The following RNLS variants were observed in gnomAD, a reference collection of about 807,000 sequenced individuals.
RNLS encodes the protein renalase, FAD dependent amine oxidase.
Under a neutral mutation model 39.8 loss-of-function variants are expected in RNLS, and 39 were observed. That is an observed-to-expected ratio of 0.98 (90% CI 0.76 to 1.28). The LOEUF (loss-of-function observed/expected upper bound fraction) is 1.28, where lower values mean the gene tolerates loss of function less well. RNLS is among the 50% of genes most tolerant of loss of function. The pLI, the probability that RNLS is intolerant of heterozygous loss-of-function variation, is 0.00. For missense variants in RNLS, 410 were observed against 413.3 expected (o/e 0.99, Z 0.07); for synonymous variants, 147 against 150.7 (o/e 0.98, Z 0.18).
chr10:88,304,724 C>T (rs1844798656), intron 6 of RNLS, among the ~76,000 whole-genome samples: 1 of 152,024 alleles, frequency 6.6e-6, no homozygotes, highest in African/African-American at 2.4e-5. Flanking sequence ...TCATTGGTGT[C>T]CCTGAAAGAG....
intron 4 of RNLS, among the ~76,000 whole-genome samples, chr10:88,383,462 A>G (rs1851671187): frequency 6.6e-6 from 1 of 152,148 alleles, no homozygotes; most frequent in East Asian, 1.9e-4. Flanking sequence ...TGTAATGTCA[A>G]ACTGCTTTCT....
intron 4 of RNLS, among the ~76,000 whole-genome samples, chr10:88,498,775 C>T (rs374582905): frequency 1.5e-4 from 23 of 151,734 alleles, no homozygotes; most frequent in Middle Eastern, 3.2e-3. Flanking sequence ...TGTGTATATA[C>T]GTAGAGAGAT....
chr10:88,316,190 AC>A (rs761175652), intron 5 of RNLS, among the ~76,000 whole-genome samples: 2 of 152,196 alleles, frequency 1.3e-5, no homozygotes, highest in African/African-American at 2.4e-5. Flanking sequence ...GCTGGGCTGT[AC>A]AGTATTTTCA....
chr10:88,444,621 C>T (rs893270521), intron 4 of RNLS, among the ~76,000 whole-genome samples: 2 of 152,022 alleles, frequency 1.3e-5, no homozygotes, highest in Admixed American at 1.3e-4. Flanking sequence ...TAGAGAAGTC[C>T]TTAAATGACC....
the RNLS span, among the ~76,000 whole-genome samples, chr10:88,191,627 T>C: frequency 6.6e-6 from 1 of 152,206 alleles, no homozygotes; most frequent in Admixed American, 6.5e-5. Flanking sequence ...TGAGCTATGC[T>C]CCTGGGGAGC....
intron 4 of RNLS, among the ~76,000 whole-genome samples, chr10:88,396,745 A>C (rs1421557336): frequency 1.3e-5 from 2 of 151,140 alleles, no homozygotes; most frequent in Non-Finnish European, 3.0e-5. Flanking sequence ...GCTCTCTATA[A>C]GAGGTGCACT....
At chr10:88,310,044 C>G (rs751185969) in intron 6 of RNLS, among the ~76,000 whole-genome samples, 2 of 151,856 alleles carry the variant, frequency 1.3e-5, no homozygotes, top group Non-Finnish European at 2.9e-5. Context: ...GAAACCTCAC[C>G]TCTACAAAAA....
At chr10:88,191,582 A>G in the RNLS span, among the ~76,000 whole-genome samples, 1 of 152,202 alleles carries the variant, frequency 6.6e-6, no homozygotes, top group Non-Finnish European at 1.5e-5. Flanking sequence ...AAAGAAACCA[A>G]ATGCAGGGAT....
chr10:88,270,072 T>C (rs1589438268), downstream of RNLS, among the ~76,000 whole-genome samples: 1 of 152,204 alleles, frequency 6.6e-6, no homozygotes, highest in East Asian at 1.9e-4. Context: ...GACAAAGCCC[T>C]GAGAAGAAGA....
chr10:88,401,040 G>A (rs1018879749), intron 4 of RNLS, among the ~76,000 whole-genome samples: 2 of 151,668 alleles, frequency 1.3e-5, no homozygotes, highest in African/African-American at 4.8e-5. Flanking sequence ...AATTCAAATT[G>A]TATTGGATGT....
downstream of RNLS, among the ~76,000 whole-genome samples, chr10:88,282,819 C>T (rs2132612915): frequency 6.6e-6 from 1 of 152,250 alleles, no homozygotes; most frequent in South Asian, 2.1e-4. Context: ...CGTGCATAGA[C>T]AGTTTAGTAA....
At chr10:88,389,260 C>T (rs965281131) in intron 4 of RNLS, among the ~76,000 whole-genome samples, 1 of 152,144 alleles carries the variant, frequency 6.6e-6, no homozygotes, top group African/African-American at 2.4e-5. Context: ...AAAAAGCATT[C>T]ATTCTCTTTT....
the RNLS span, among the ~76,000 whole-genome samples, chr10:88,185,169 G>A: frequency 1.6e-4 from 24 of 152,086 alleles, no homozygotes; most frequent in African/African-American, 3.1e-4. Flanking sequence ...ATATGGGGAC[G>A]AGAGTGGATC....
the RNLS span, among the ~76,000 whole-genome samples, chr10:88,209,938 C>T: frequency 1.3e-5 from 2 of 152,178 alleles, no homozygotes; most frequent in African/African-American, 4.8e-5. Flanking sequence ...TATGGTCATG[C>T]AGCTGGTAAT....
At chr10:88,562,089 G>C (rs1417140916) in intron 4 of RNLS, among the ~76,000 whole-genome samples, 2 of 151,938 alleles carry the variant, frequency 1.3e-5, no homozygotes, top group South Asian at 2.1e-4. Flanking sequence ...AAACGTAAGA[G>C]TGAGAATCAT....
At chr10:88,306,076 C>T (rs1364935664) in intron 6 of RNLS, among the ~76,000 whole-genome samples, 1 of 152,110 alleles carries the variant, frequency 6.6e-6, no homozygotes, top group African/African-American at 2.4e-5. Context: ...TCCTGAATAA[C>T]ATCTGGGTAA....
At chr10:88,252,335 G>C in the RNLS span, among the ~76,000 whole-genome samples, 1 of 152,322 alleles carries the variant, frequency 6.6e-6, no homozygotes, top group East Asian at 1.9e-4. Context: ...CAATCAGAAA[G>C]TCAGATTTTA....
At chr10:88,172,842 G>GTTTTTTTTTTTTTTTTTTTTTTTTT in the RNLS span, among the ~76,000 whole-genome samples, 8 of 43,772 alleles carry the variant, frequency 1.8e-4, 2 homozygotes, top group East Asian at 2.8e-3. Flanking sequence ...ATTTTGAGTT[G>GTTTTTTTTTTTTTTTTTTTTTTTTT]TTTTTTTTTT....
the RNLS span, among the ~76,000 whole-genome samples, chr10:88,229,726 T>A: frequency 1.3e-5 from 2 of 152,228 alleles, no homozygotes; most frequent in Non-Finnish European, 2.9e-5. Flanking sequence ...CCACATGGAT[T>A]TATCTATTCT....
Sources: gnomAD v4.1 joint callset for allele counts (sites outside exome capture counted in the v4.1 genomes callset) on GRCh38, gnomAD v4.1.1 for gene constraint, MANE v1.5 for transcripts, NCBI Gene and HGNC (gene_info 2026-07-23, HGNC 2026-07-21) for gene names.